Variants in SFMBT2 observed in about 807,000 individuals in gnomAD.
SFMBT2 encodes scm-like with four MBT domains protein 2.
A neutral mutation model predicts 110.1 loss-of-function variants in SFMBT2; 38 were observed. The ratio of observed to expected loss-of-function variants is 0.35; its 90% CI spans 0.27 to 0.45. The LOEUF is 0.45. Among genes scored for constraint, SFMBT2 ranks in the 20% least tolerant of loss-of-function variants. SFMBT2 has a pLI of 1.00. For missense variants in SFMBT2, 1,011 were observed against 1,094.9 expected (o/e 0.92, Z 1.08); for synonymous variants, 425 against 425.4 (o/e 1.00, Z 0.01).
At chr10:7,316,249 A>G (rs1380977364) in intron 4 of SFMBT2, among the ~76,000 whole-genome samples, 1 of 152,206 alleles carries the variant, frequency 6.6e-6, no homozygotes, top group Non-Finnish European at 1.5e-5. Context: ...AAAGGCTCAG[A>G]GCAGTGCAGA....
chr10:7,221,571 A>AG (rs1200944982), intron 10 of SFMBT2, among the ~76,000 whole-genome samples: 11 of 55,478 alleles, frequency 2.0e-4, no homozygotes, highest in Admixed American at 9.3e-4. Flanking sequence ...GTCTCAAATG[A>AG]GGAAAAAAAA....
At chr10:7,203,433 A>AC in intron 12 of SFMBT2, 7 of 230,812 alleles carry the variant, frequency 3.0e-5, no homozygotes, top group South Asian at 1.6e-4. Context: ...GGGATGCCTG[A>AC]CCCCCTGGGA....
intron 7 of SFMBT2, among the ~76,000 whole-genome samples, chr10:7,252,492 C>G (rs1226071738): frequency 6.6e-6 from 1 of 152,214 alleles, no homozygotes; most frequent in Non-Finnish European, 1.5e-5. Flanking sequence ...TCTTCCTTTT[C>G]TCCCAGAGTG....
intron 10 of SFMBT2, among the ~76,000 whole-genome samples, chr10:7,225,120 C>T (rs1459936572): frequency 6.6e-6 from 1 of 152,180 alleles, no homozygotes; most frequent in African/African-American, 2.4e-5. Context: ...AAAATACAAT[C>T]CCATCGGCCG....
At chr10:7,310,520 A>C (rs985248210) in intron 4 of SFMBT2, among the ~76,000 whole-genome samples, 1 of 152,252 alleles carries the variant, frequency 6.6e-6, no homozygotes, top group Non-Finnish European at 1.5e-5. Context: ...TCCATTCTCT[A>C]TCTGTTCTAA....
rs114983658 is a variant in SFMBT2, at chr10:7,383,615, G to A, written c.-51-1666C>T. ...CGGAGAATGAACTATAAAACTATCC[G>A]GAGTGGGTCGGCAAACAGCAATCTA... On this transcript the variant is annotated intron_variant, in intron 1 of 20. Coordinates refer to ENST00000397167, the MANE Select transcript of SFMBT2 (RefSeq NM_001387889.1). Among the ~76,000 whole-genome samples, 756 of 152,252 alleles carry A rather than the reference G, an allele frequency of 5.0e-3. 4 individuals carry two copies. Among genetic ancestry groups the A allele is most frequent in the African/African-American group, 0.017 (723 of 41,534 alleles).
At chr10:7,251,523 G>T (rs759820248) in intron 7 of SFMBT2, among the ~76,000 whole-genome samples, 3 of 152,114 alleles carry the variant, frequency 2.0e-5, no homozygotes, top group South Asian at 2.1e-4. Context: ...ACCCATCAGC[G>T]GGAAATGAGT....
At chr10:7,352,259 A>G (rs1435375828) in intron 4 of SFMBT2, among the ~76,000 whole-genome samples, 3 of 152,234 alleles carry the variant, frequency 2.0e-5, no homozygotes, top group African/African-American at 2.4e-5. Context: ...TCCAGGTGCC[A>G]GGGTCAGGTC....
chr10:7,234,981 G>A (rs1840213627), intron 9 of SFMBT2, among the ~76,000 whole-genome samples: 1 of 152,200 alleles, frequency 6.6e-6, no homozygotes. Flanking sequence ...GACTGGATCA[G>A]AGAGGCAGCA....
chr10:7,193,833 C>A (rs1588788320), intron 15 of SFMBT2, among the ~76,000 whole-genome samples: 4 of 152,160 alleles, frequency 2.6e-5, no homozygotes, highest in Non-Finnish European at 5.9e-5. Flanking sequence ...AACGCAACAG[C>A]CGACAAGACC....
At chr10:7,268,534 A>G (rs1588401365) in intron 7 of SFMBT2, among the ~76,000 whole-genome samples, 2 of 150,128 alleles carry the variant, frequency 1.3e-5, no homozygotes. Context: ...TTTTTGAGAC[A>G]GAGTCTCGCT....
At chr10:7,395,809 T>C (rs1215916659) in intron 1 of SFMBT2, among the ~76,000 whole-genome samples, 1 of 152,176 alleles carries the variant, frequency 6.6e-6, no homozygotes, top group East Asian at 1.9e-4. Flanking sequence ...TGAATGTTTT[T>C]CAGATTTTCT....
intron 2 of SFMBT2, among the ~76,000 whole-genome samples, chr10:7,379,255 A>G (rs1845358391): frequency 6.6e-6 from 1 of 152,170 alleles, no homozygotes; most frequent in Non-Finnish European, 1.5e-5. Flanking sequence ...GAAGACCTTC[A>G]GCACTAAGAC....
At chr10:7,197,471 C>G (rs1305600568) in intron 15 of SFMBT2, 77 bp downstream of exon 15, 5 of 1,561,268 alleles carry the variant, frequency 3.2e-6, no homozygotes, top group Non-Finnish European at 4.4e-6. Context: ...TGCCTATTCC[C>G]TCCTTCAGAA....
chr10:7,389,734 T>A (rs952478458), intron 1 of SFMBT2, among the ~76,000 whole-genome samples: 5 of 152,234 alleles, frequency 3.3e-5, no homozygotes, highest in African/African-American at 1.2e-4. Flanking sequence ...GAATTTCTCA[T>A]CAGTTCAATC....
chr10:7,180,736 C>T (rs1014679861), intron 16 of SFMBT2, among the ~76,000 whole-genome samples: 12 of 151,852 alleles, frequency 7.9e-5, no homozygotes, highest in South Asian at 2.1e-4. Flanking sequence ...GCGGGAGGGA[C>T]GCAGGGGGGA....
chr10:7,392,055 T>C (rs1845782658), intron 1 of SFMBT2, among the ~76,000 whole-genome samples: 1 of 152,164 alleles, frequency 6.6e-6, no homozygotes, highest in African/African-American at 2.4e-5. Context: ...GATGTCTCCT[T>C]AATGTAGAAT....
rs1025714906 is a variant in SFMBT2 at position 7,317,280 on chromosome 10, G to GA, written c.437-31327dup. The stretch of plus-strand genomic sequence containing the variant: ...ATTCGAAAATAGAGGCAGCTTAATG[G>GA]AAAAAAAAAAATCCTACAGAATTTA... On this transcript the variant is annotated intron_variant, in intron 4 of 20. Transcript: ENST00000397167. Among the ~76,000 whole-genome samples, 588 of 146,168 alleles carry GA rather than the reference G, an allele frequency of 4.0e-3. 2 individuals carry two copies. Among genetic ancestry groups the GA allele is most frequent in the East Asian group, 9.7e-3 (49 of 5,060 alleles).
At chr10:7,334,223 C>A (rs1438761824) in intron 4 of SFMBT2, among the ~76,000 whole-genome samples, 1 of 152,150 alleles carries the variant, frequency 6.6e-6, no homozygotes, top group Admixed American at 6.5e-5. Context: ...GTCACATCCA[C>A]CTGGCCTGGA....
Sources: allele counts gnomAD v4.1 joint callset (sites outside exome capture counted in the v4.1 genomes callset), GRCh38; gene constraint gnomAD v4.1.1; transcripts MANE v1.5; gene names NCBI Gene and HGNC (gene_info 2026-07-23, HGNC 2026-07-21).